The following TRIM36 variants were observed in gnomAD, a reference collection of about 807,000 sequenced individuals.
TRIM36 encodes E3 ubiquitin-protein ligase TRIM36.
In TRIM36, 42 loss-of-function variants were observed where a neutral mutation model predicts 72.4. The observed-to-expected ratio is 0.58, with a 90% confidence interval of 0.45 to 0.75. The LOEUF is 0.75. Among genes scored for constraint, TRIM36 ranks in the 30% least tolerant of loss-of-function variants. The pLI is 0.00. For missense variants in TRIM36, 913 were observed against 857.1 expected (o/e 1.07, Z -0.81); for synonymous variants, 315 against 282.8 (o/e 1.11, Z -1.14).
At chr5:115,172,482 T>C (rs1755158819), upstream of TRIM36, among the ~76,000 whole-genome samples, 1 of 152,182 alleles carries the variant, frequency 6.6e-6, no homozygotes, top group Admixed American at 6.5e-5. Context: ...ACACCTGTAA[T>C]CCCAGCGCTT....
chr5:115,141,936 A>C lies in TRIM36; in HGVS notation c.736-562T>G, dbSNP rs1299269603. Among the ~76,000 whole-genome samples the C allele has an allele frequency of 2.1e-4, 32 of 152,202 alleles. 2 individuals are homozygous for C. The highest frequency in any genetic ancestry group is 2.1e-3 in the Admixed American group (32 of 15,276). On this transcript the variant is annotated intron_variant, in intron 4 of 9. Coordinates refer to ENST00000513154, the MANE Select transcript of TRIM36 (RefSeq NM_001300759.2). The stretch of plus-strand genomic sequence containing the variant: ...GAGCTCTTTGAATAATCTGTCTGTA[A>C]GGAAGACCTTTTTAAATAAGTATAG...
chr5:115,172,182 C>T (rs1755145518), upstream of TRIM36, among the ~76,000 whole-genome samples: 1 of 152,088 alleles, frequency 6.6e-6, no homozygotes. Context: ...TTTGCTCAAA[C>T]CTTTTTGTGA....
At chr5:115,132,352 G>A (rs1435724064) in intron 8 of TRIM36, among the ~76,000 whole-genome samples, 1 of 151,816 alleles carries the variant, frequency 6.6e-6, no homozygotes, top group Non-Finnish European at 1.5e-5. Context: ...TGGCCAACAT[G>A]GTGAAACCTG....
At chr5:115,167,759 C>G (rs973400040) in intron 1 of TRIM36, among the ~76,000 whole-genome samples, 2 of 152,230 alleles carry the variant, frequency 1.3e-5, no homozygotes, top group Non-Finnish European at 2.9e-5. Context: ...TATTCAGTTC[C>G]AAAGTCACTT....
At chr5:115,153,838 G>A (rs762666193) in intron 2 of TRIM36, 5 of 152,142 alleles carry the variant, frequency 3.3e-5, no homozygotes, top group African/African-American at 4.8e-5. Context: ...GGACCTAACA[G>A]TTACATGCAC....
chr5:115,135,875 T>G (rs968263528), intron 7 of TRIM36, among the ~76,000 whole-genome samples: 3 of 152,172 alleles, frequency 2.0e-5, no homozygotes, highest in Admixed American at 2.0e-4. Context: ...AGTTTTAAAC[T>G]TTTAACAAGA....
intron 3 of TRIM36, among the ~76,000 whole-genome samples, chr5:115,145,223 A>C (rs551730044): frequency 2.5e-4 from 38 of 152,348 alleles, no homozygotes; most frequent in South Asian, 6.2e-4. Flanking sequence ...AGTCTCAGAA[A>C]ACTTTATAAG....
At chr5:115,179,884 C>T in intron 1 of TRIM36, 1 of 1,285,272 alleles carries the variant, frequency 7.8e-7, no homozygotes, top group Non-Finnish European at 1.1e-6. Flanking sequence ...CCTTCCCAGG[C>T]GCTGGAATGG....
chr5:115,152,976 C>A (rs573339859), intron 2 of TRIM36, among the ~76,000 whole-genome samples: 9 of 152,094 alleles, frequency 5.9e-5, no homozygotes, highest in African/African-American at 9.6e-5. Context: ...ACAACAACAA[C>A]AAAAAACAAG....
Position 115,175,933 on chromosome 5 carries a change from T to C in TRIM36, c.63+4042A>G, listed in dbSNP as rs1005693690. On this transcript the variant is annotated intron_variant, in intron 1 of 9. Coordinates refer to the TRIM36 transcript ENST00000282369. ...TGAGGTCAGGAGTTCGAGACCAGCCTGGCCAACATGGCGAAACCCTGTCTC... is the reference window on the plus strand; with the variant it reads ...TGAGGTCAGGAGTTCGAGACCAGCCCGGCCAACATGGCGAAACCCTGTCTC... Among the ~76,000 whole-genome samples the C allele has an allele frequency of 2.0e-5, 3 of 152,154 alleles. No homozygotes were observed. In the East Asian group the frequency reaches 5.8e-4, roughly 29 times the overall value.
At chr5:115,172,370 C>T (rs1755154040), upstream of TRIM36, among the ~76,000 whole-genome samples, 1 of 152,162 alleles carries the variant, frequency 6.6e-6, no homozygotes. Context: ...TATAACTAAA[C>T]ATCATGCATA....
chr5:115,131,531 C>G (rs1752676418), intron 8 of TRIM36, among the ~76,000 whole-genome samples: 1 of 152,150 alleles, frequency 6.6e-6, no homozygotes, highest in Non-Finnish European at 1.5e-5. Context: ...ATATATTAAG[C>G]ATAACATTGG....
At chr5:115,164,007 C>A (rs59296923) in intron 1 of TRIM36, among the ~76,000 whole-genome samples, 4,150 of 152,040 alleles carry the variant, frequency 0.027, 178 homozygotes, top group African/African-American at 0.095. Flanking sequence ...ATTAGGGGAC[C>A]ATGATATTTT....
In TRIM36 at chr5:115,179,098, C is replaced by G. The variant is rs534711526; in HGVS notation, c.63+877G>C. ...AGGCGCAGAGGGCAAACGCTGACGC[C>G]CTTTCCCGCCTTCTCTCCGTCTGCG... is the stretch of plus-strand genomic sequence containing the variant. On this transcript the variant is annotated intron_variant, in intron 1 of 9. Transcript: ENST00000282369. 2.2e-4 allele frequency among the ~76,000 whole-genome samples: 34 copies of G among 152,318 alleles called. No individual in the cohort carries two copies. In the South Asian group the frequency reaches 7.0e-3, roughly 32 times the overall value.
intron 3 of TRIM36, among the ~76,000 whole-genome samples, chr5:115,145,011 T>C (rs1375133527): frequency 6.6e-6 from 1 of 152,200 alleles, no homozygotes; most frequent in Non-Finnish European, 1.5e-5. Context: ...TCATAATATA[T>C]AGATGTTATT....
At chr5:115,161,060 C>T (rs1157876491) in intron 2 of TRIM36, among the ~76,000 whole-genome samples, 1 of 152,130 alleles carries the variant, frequency 6.6e-6, no homozygotes, top group African/African-American at 2.4e-5. Context: ...GAATGATTTC[C>T]ATACTTACAG....
At chr5:115,158,807 A>C (rs984817857) in intron 2 of TRIM36, among the ~76,000 whole-genome samples, 2 of 152,222 alleles carry the variant, frequency 1.3e-5, no homozygotes, top group South Asian at 2.1e-4. Context: ...CTAATTACTA[A>C]ATTTCAACAC....
intron 2 of TRIM36, among the ~76,000 whole-genome samples, chr5:115,158,309 A>G (rs1036322787): frequency 2.6e-5 from 4 of 152,238 alleles, no homozygotes; most frequent in African/African-American, 9.6e-5. Context: ...GGTAGATTAA[A>G]AAGTCAGCAT....
upstream of TRIM36, among the ~76,000 whole-genome samples, chr5:115,173,249 T>A (rs568032978): frequency 2.6e-5 from 4 of 152,332 alleles, no homozygotes; most frequent in African/African-American, 9.6e-5. Flanking sequence ...TCCCTGTCTA[T>A]CTCTGATCAG....
Sources: gnomAD v4.1 joint callset for allele counts (sites outside exome capture counted in the v4.1 genomes callset) on GRCh38, gnomAD v4.1.1 for gene constraint, MANE v1.5 for transcripts, NCBI Gene and HGNC (gene_info 2026-07-23, HGNC 2026-07-21) for gene names.